Variants in NAT1 observed in about 807,000 individuals in gnomAD.
NAT1 encodes arylamine N-acetyltransferase 1.
For synonymous variants in NAT1, 144 were observed against 122.6 expected, an observed-to-expected ratio of 1.17 and a Z score of -1.16; for missense variants, 400 against 339.2, an observed-to-expected ratio of 1.18 and a Z score of -1.41.
chr8:18,191,485 A>G (rs6586708), intron 2 of NAT1, among the ~76,000 whole-genome samples: 14,959 of 152,056 alleles, frequency 0.098, 2,043 homozygotes, highest in African/African-American at 0.31. Flanking sequence ...GAATTGGAAA[A>G]AACTACTTTA....
At chr8:18,181,005 A>G (rs995468551) in intron 2 of NAT1, among the ~76,000 whole-genome samples, 5 of 152,036 alleles carry the variant, frequency 3.3e-5, no homozygotes, top group African/African-American at 4.8e-5. Context: ...GTAGTTCTAT[A>G]CACATTTTAG....
chr8:18,171,278 C>G (rs1802088412), intron 2 of NAT1, among the ~76,000 whole-genome samples: 2 of 152,226 alleles, frequency 1.3e-5, no homozygotes, highest in South Asian at 4.1e-4. Flanking sequence ...ACTTGTGAGG[C>G]ATATTCAGAA....
intron 2 of NAT1, among the ~76,000 whole-genome samples, chr8:18,178,099 G>A (rs1202962213): frequency 1.3e-5 from 2 of 152,076 alleles, no homozygotes; most frequent in African/African-American, 4.8e-5. Flanking sequence ...ACAGAGGGAG[G>A]GAGATGGGAA....
At chr8:18,199,317 CAAAAA>C (rs373393013) in intron 2 of NAT1, among the ~76,000 whole-genome samples, 2 of 87,484 alleles carry the variant, frequency 2.3e-5, no homozygotes, top group African/African-American at 3.8e-5. Context: ...GACTCTGTCT[CAAAAA>C]AAAAAAAAAA....
intron 2 of NAT1, among the ~76,000 whole-genome samples, chr8:18,194,740 A>G (rs1803161100): frequency 6.6e-6 from 1 of 151,772 alleles, no homozygotes; most frequent in Non-Finnish European, 1.5e-5. Context: ...GAATCGCTTG[A>G]ACCCTGGGGG....
chr8:18,216,433 A>G (rs6586714), intron 1 of NAT1, among the ~76,000 whole-genome samples: 128,013 of 152,076 alleles, frequency 0.84, 54,425 homozygotes, highest in East Asian at 0.91. Flanking sequence ...AGCTCGAGTC[A>G]GGGCAATCAA....
At chr8:18,209,713 T>C (rs2117322981), upstream of NAT1, 1 of 152,272 alleles carries the variant, frequency 6.6e-6, no homozygotes, top group Non-Finnish European at 1.5e-5. Flanking sequence ...TGGGAACTGA[T>C]GAAGAAAGTA....
chr8:18,171,898 T>C (rs1802110222), intron 2 of NAT1, among the ~76,000 whole-genome samples: 1 of 152,218 alleles, frequency 6.6e-6, no homozygotes, highest in Admixed American at 6.5e-5. Flanking sequence ...GTAGCGATCT[T>C]CTCTGAGGTA....
chr8:18,174,889 G>A (rs141498172), intron 2 of NAT1, among the ~76,000 whole-genome samples: 3 of 152,004 alleles, frequency 2.0e-5, no homozygotes, highest in Non-Finnish European at 4.4e-5. Flanking sequence ...AAGAGTGAGA[G>A]AAAACATACA....
chr8:18,202,952 T>C (rs1432475208), intron 2 of NAT1, among the ~76,000 whole-genome samples: 2 of 152,192 alleles, frequency 1.3e-5, no homozygotes, highest in African/African-American at 2.4e-5. Context: ...TATAGAGTAC[T>C]GATTGGTCGA....
chr8:18,181,637 G>T (rs1802523116), intron 2 of NAT1, among the ~76,000 whole-genome samples: 1 of 152,054 alleles, frequency 6.6e-6, no homozygotes, highest in Non-Finnish European at 1.5e-5. Context: ...GGTGAAAGTG[G>T]GCATACTTGT....
Position 18,222,721 on chromosome 8 carries a change from T to G in NAT1, c.674T>G (p.Leu225Trp). The change falls in exon 3 of 3, where the codon TTG (leucine) becomes TGG (tryptophan). Residue 225 changes from leucine (L) to tryptophan (W), a missense_variant. By Grantham distance (61) the Leu-to-Trp change is moderately conservative. Coordinates refer to ENST00000307719, the MANE Select transcript of NAT1 (RefSeq NM_000662.8). ...TTTACTAGTAAATCATTTTGTTCCT[T>G]GCAGACCCCAGATGGGGTTCACTGT... ...SVFTSKSFCS[L>W]QTPDGVHCLV... 2 of 1,614,086 alleles carry G rather than the reference T, an allele frequency of 1.2e-6. No homozygotes were observed. The highest frequency in any genetic ancestry group is 1.7e-6 in the Non-Finnish European group (2 of 1,179,982).
At chr8:18,173,543 C>T (rs1802178227) in intron 2 of NAT1, among the ~76,000 whole-genome samples, 1 of 152,146 alleles carries the variant, frequency 6.6e-6, no homozygotes, top group Admixed American at 6.6e-5. Flanking sequence ...ATGGCAATTG[C>T]AGATGGCCAA....
chr8:18,218,651 T>G (rs1408294957), intron 1 of NAT1, among the ~76,000 whole-genome samples: 1 of 152,170 alleles, frequency 6.6e-6, no homozygotes, highest in Non-Finnish European at 1.5e-5. Context: ...ATGGTGAAGT[T>G]TTAACAGCTC....
At chr8:18,189,533 T>C (rs1022966425) in intron 2 of NAT1, among the ~76,000 whole-genome samples, 3 of 152,192 alleles carry the variant, frequency 2.0e-5, no homozygotes, top group Non-Finnish European at 4.4e-5. Context: ...AGGAATATAC[T>C]AAAGACATAT....
chr8:18,172,203 T>C lies in NAT1; in HGVS notation n.92+1464T>C, dbSNP rs571498822. 2.2e-4 allele frequency among the ~76,000 whole-genome samples: 34 copies of C among 152,220 alleles called. No homozygotes were observed. The South Asian group carries it at 7.0e-3, about 32-fold the overall frequency. On this transcript the variant is annotated intron_variant and non_coding_transcript_variant, in intron 2 of 4. Coordinates refer to the NAT1 transcript ENST00000517441. ...GTTAATGCTTTGTGTTAATGGGTCTTAAGCCAAACACTAGAAGAAGAGAAT... is the reference window on the plus strand; with the variant it reads ...GTTAATGCTTTGTGTTAATGGGTCTCAAGCCAAACACTAGAAGAAGAGAAT...
intron 2 of NAT1, among the ~76,000 whole-genome samples, chr8:18,191,069 A>G (rs111279674): frequency 0.012 from 1,780 of 151,010 alleles, 54 homozygotes; most frequent in African/African-American, 0.042. Context: ...TCCAAAAAAA[A>G]AAGAAAAAAA....
intron 1 of NAT1, among the ~76,000 whole-genome samples, chr8:18,217,904 C>T (rs983352191): frequency 6.6e-5 from 10 of 152,102 alleles, no homozygotes; most frequent in Admixed American, 1.3e-4. Flanking sequence ...ATTCCATTTG[C>T]GGCTTCCTGC....
chr8:18,201,457 C>T (rs761186818), intron 2 of NAT1, among the ~76,000 whole-genome samples: 4 of 152,110 alleles, frequency 2.6e-5, no homozygotes, highest in Non-Finnish European at 4.4e-5. Flanking sequence ...CCTCTTCCTC[C>T]TCCCTGGGTC....
Sources: gnomAD v4.1 joint callset for allele counts (sites outside exome capture counted in the v4.1 genomes callset) on GRCh38, gnomAD v4.1.1 for gene constraint, MANE v1.5 for transcripts, NCBI Gene and HGNC (gene_info 2026-07-23, HGNC 2026-07-21) for gene names.